Variants in PPME1 observed in about 807,000 individuals in gnomAD.
PPME1 encodes the protein protein phosphatase methylesterase 1.
In PPME1, 17 loss-of-function variants were observed where a neutral mutation model predicts 56.9. That is an observed-to-expected ratio of 0.30 (90% CI 0.20 to 0.45). The LOEUF (loss-of-function observed/expected upper bound fraction) is 0.45, where lower values mean the gene tolerates loss of function less well. Among genes scored for constraint, PPME1 ranks in the 20% least tolerant of loss-of-function variants. The pLI, the probability that PPME1 is intolerant of heterozygous loss-of-function variation, is 1.00. For missense variants in PPME1, 357 were observed against 483.2 expected (o/e 0.74, Z 2.45); for synonymous variants, 122 against 156.2 (o/e 0.78, Z 1.63).
intron 8 of PPME1, among the ~76,000 whole-genome samples, chr11:74,237,002 C>T (rs1392811117): frequency 1.3e-5 from 2 of 152,082 alleles, no homozygotes; most frequent in African/African-American, 2.4e-5. Flanking sequence ...TCTCATGCAT[C>T]TTTTAATCTA....
At chr11:74,247,048 C>T (rs1311010684) in intron 10 of PPME1, 31 bp from the exon 11 acceptor site, 1 of 1,584,504 alleles carries the variant, frequency 6.3e-7, no homozygotes, top group Non-Finnish European at 8.6e-7. Flanking sequence ...ACAGCAAAAT[C>T]TGTTTCACAA....
chr11:74,228,782 A>T (rs956524627), intron 5 of PPME1, among the ~76,000 whole-genome samples: 1 of 152,214 alleles, frequency 6.6e-6, no homozygotes, highest in African/African-American at 2.4e-5. Flanking sequence ...ATGTTATAAG[A>T]AAGTTTAGAG....
chr11:74,210,987 C>G (rs532173976), intron 3 of PPME1, among the ~76,000 whole-genome samples: 3 of 152,298 alleles, frequency 2.0e-5, no homozygotes, highest in Admixed American at 1.3e-4. Context: ...AATCAACTGA[C>G]AAACTACTAG....
At chr11:74,227,027 A>G (rs1858948472) in intron 5 of PPME1, among the ~76,000 whole-genome samples, 1 of 152,192 alleles carries the variant, frequency 6.6e-6, no homozygotes, top group African/African-American at 2.4e-5. Flanking sequence ...GGAACCTGAC[A>G]GAATTCTGCC....
intron 1 of PPME1, among the ~76,000 whole-genome samples, chr11:74,178,487 A>G (rs1857452750): frequency 2.0e-5 from 3 of 152,226 alleles, no homozygotes; most frequent in Admixed American, 6.5e-5. Context: ...AAGTATTACA[A>G]TTCTGTTAGG....
At chr11:74,191,864 A>C (rs1857849298) in intron 1 of PPME1, among the ~76,000 whole-genome samples, 1 of 152,232 alleles carries the variant, frequency 6.6e-6, no homozygotes, top group Non-Finnish European at 1.5e-5. Context: ...CCCAGGTAGA[A>C]GCCTGCTGCA....
chr11:74,218,859 A>G (rs1369137512), intron 3 of PPME1, among the ~76,000 whole-genome samples: 1 of 152,184 alleles, frequency 6.6e-6, no homozygotes, highest in Non-Finnish European at 1.5e-5. Flanking sequence ...CCCAACAAGC[A>G]CAGGTAACCA....
intron 1 of PPME1, among the ~76,000 whole-genome samples, chr11:74,187,460 G>A (rs754637482): frequency 6.6e-6 from 1 of 151,924 alleles, no homozygotes; most frequent in Non-Finnish European, 1.5e-5. Flanking sequence ...CATTTATTTG[G>A]CTATATTTAT....
intron 1 of PPME1, among the ~76,000 whole-genome samples, chr11:74,176,020 G>A (rs533186733): frequency 6.6e-6 from 1 of 152,288 alleles, no homozygotes; most frequent in East Asian, 1.9e-4. Flanking sequence ...ACTTCTCATA[G>A]TCTATTTTCT....
chr11:74,215,396 T>C (rs1220948424), intron 3 of PPME1, among the ~76,000 whole-genome samples: 1 of 152,146 alleles, frequency 6.6e-6, no homozygotes, highest in Non-Finnish European at 1.5e-5. Context: ...GAAGTTAAAA[T>C]GTAGAGTTTT....
intron 4 of PPME1, chr11:74,222,590 G>A (rs1297575269): frequency 1.3e-5 from 6 of 475,620 alleles, no homozygotes; most frequent in Admixed American, 6.9e-5. Flanking sequence ...CTGGGTTCAA[G>A]CAATTATCCT....
chr11:74,216,400 G>T (rs1200884746), intron 3 of PPME1, among the ~76,000 whole-genome samples: 2 of 152,090 alleles, frequency 1.3e-5, no homozygotes, highest in African/African-American at 2.4e-5. Context: ...TGACCAGTGG[G>T]CCAATGAAAT....
At chr11:74,220,888 A>T (rs1268494026) in intron 3 of PPME1, among the ~76,000 whole-genome samples, 1 of 152,086 alleles carries the variant, frequency 6.6e-6, no homozygotes, top group Non-Finnish European at 1.5e-5. Flanking sequence ...CTTTTTGATT[A>T]TCTTTAAAGC....
At chr11:74,247,840 C>T (rs1052165818) in intron 11 of PPME1, 1 of 152,414 alleles carries the variant, frequency 6.6e-6, no homozygotes, top group African/African-American at 2.4e-5. Context: ...CAAGATAATC[C>T]AGATATAAAA....
intron 1 of PPME1, among the ~76,000 whole-genome samples, chr11:74,175,420 G>C (rs1224988531): frequency 6.6e-6 from 1 of 152,056 alleles, no homozygotes; most frequent in Admixed American, 6.5e-5. Flanking sequence ...AGAATCACTT[G>C]AACCTGGGAG....
chr11:74,253,351 C>G, intron 13 of PPME1, 141 bp from the exon 14 acceptor site: 1 of 822,654 alleles, frequency 1.2e-6, no homozygotes, highest in South Asian at 1.6e-5. Context: ...CTGGGTCCAG[C>G]TCTGGTCAGG....
intron 7 of PPME1, among the ~76,000 whole-genome samples, chr11:74,234,259 T>C (rs565304486): frequency 6.6e-6 from 1 of 152,306 alleles, no homozygotes; most frequent in East Asian, 1.9e-4. Context: ...TAAGTAGAAA[T>C]GTTAAGTAGG....
intron 1 of PPME1, among the ~76,000 whole-genome samples, chr11:74,189,213 G>A (rs1312223323): frequency 6.6e-6 from 1 of 152,100 alleles, no homozygotes; most frequent in East Asian, 1.9e-4. Flanking sequence ...AATGTGGTGA[G>A]ACCCTGTCTC....
chr11:74,245,903 C>A, intron 9 of PPME1, 173 bp from the exon 10 acceptor site: 1 of 556,852 alleles, frequency 1.8e-6, no homozygotes, highest in Non-Finnish European at 3.0e-6. Flanking sequence ...TTAACAGTGA[C>A]CCATACAACA....
Sources: allele counts gnomAD v4.1 joint callset (sites outside exome capture counted in the v4.1 genomes callset), GRCh38; gene constraint gnomAD v4.1.1; transcripts MANE v1.5; gene names NCBI Gene and HGNC (gene_info 2026-07-23, HGNC 2026-07-21).